CYYR1: variants seen among roughly 807,000 people sequenced by gnomAD.
The protein encoded by CYYR1 is cysteine and tyrosine rich 1, also known as cysteine and tyrosine-rich protein 1.
CYYR1 carries 14 observed loss-of-function variants against 15.2 expected under a neutral mutation model. The ratio of observed to expected loss-of-function variants is 0.92; its 90% CI spans 0.61 to 1.44. The LOEUF is 1.44. CYYR1 is among the 40% of genes most tolerant of loss of function. CYYR1 has a pLI of 0.00. For missense variants in CYYR1, 228 were observed against 209.5 expected (o/e 1.09, Z -0.54); for synonymous variants, 80 against 77.4 (o/e 1.03, Z -0.18).
intron 3 of CYYR1, among the ~76,000 whole-genome samples, chr21:26,474,497 A>G (rs896720777): frequency 1.4e-5 from 2 of 147,640 alleles, no homozygotes; most frequent in African/African-American, 5.1e-5. Context: ...CCTTAGCCTC[A>G]GTAGTAGCTG....
At position 26,480,346 on chromosome 21, in the gene CYYR1, C is replaced by T; in HGVS notation, c.260G>A (p.Cys87Tyr). The stretch of plus-strand genomic sequence containing the variant: ...GCGGGTCGCCCTGTGGTTCTTCATG[C>T]ACATGCAGATGCATATGGCAATCCC... ...IAGIAICICM[C>Y]MKNHRATRVG... is the part of the protein sequence containing the mutation. The change falls in exon 3 of 4, where the codon TGC (cysteine) becomes TAC (tyrosine). Residue 87 changes from cysteine to tyrosine, a missense_variant. Coordinates refer to ENST00000652641, the MANE Select transcript of CYYR1 (RefSeq NM_001320768.2). 6.2e-7 allele frequency: 1 copy of T among 1,613,536 alleles called. No homozygotes were observed. Among genetic ancestry groups the T allele is most frequent in the Non-Finnish European group, 8.5e-7 (1 of 1,179,662 alleles).
At chr21:26,515,691 T>C (rs114772149) in intron 2 of CYYR1, among the ~76,000 whole-genome samples, 3,091 of 152,230 alleles carry the variant, frequency 0.02, 117 homozygotes, top group African/African-American at 0.071. Context: ...CTATGCTTGA[T>C]CTGAAATAAT....
intron 2 of CYYR1, among the ~76,000 whole-genome samples, chr21:26,539,661 A>G (rs970137116): frequency 6.6e-6 from 1 of 152,222 alleles, no homozygotes; most frequent in African/African-American, 2.4e-5. Context: ...CTGCCTCAAC[A>G]TACTTAGATC....
chr21:26,503,036 T>C (rs538375016), intron 2 of CYYR1, among the ~76,000 whole-genome samples: 2 of 152,318 alleles, frequency 1.3e-5, no homozygotes, highest in South Asian at 2.1e-4. Flanking sequence ...AAAATGCAAG[T>C]AGATGGAACT....
chr21:26,490,281 C>A (rs2065310345), intron 2 of CYYR1, among the ~76,000 whole-genome samples: 1 of 151,934 alleles, frequency 6.6e-6, no homozygotes, highest in African/African-American at 2.4e-5. Context: ...ACCTGGGTGA[C>A]AGAGTGAGAC....
At chr21:26,469,456 G>A (rs752922822) in intron 3 of CYYR1, among the ~76,000 whole-genome samples, 1 of 152,094 alleles carries the variant, frequency 6.6e-6, no homozygotes, top group Non-Finnish European at 1.5e-5. Flanking sequence ...CCATATGTCA[G>A]TGTTTTAAGA....
intron 2 of CYYR1, among the ~76,000 whole-genome samples, chr21:26,507,152 T>C (rs928569495): frequency 6.6e-6 from 1 of 152,220 alleles, no homozygotes; most frequent in Non-Finnish European, 1.5e-5. Flanking sequence ...ATGAGACATA[T>C]GTCTCAGCTC....
intron 2 of CYYR1, among the ~76,000 whole-genome samples, chr21:26,558,110 T>G (rs1314780517): frequency 1.3e-5 from 2 of 152,182 alleles, no homozygotes; most frequent in African/African-American, 4.8e-5. Flanking sequence ...GTAGTGGCAG[T>G]AATGCCTGGG....
intron 2 of CYYR1, among the ~76,000 whole-genome samples, chr21:26,527,139 G>A (rs970204703): frequency 4.6e-5 from 7 of 152,156 alleles, no homozygotes; most frequent in Non-Finnish European, 1.0e-4. Context: ...TATTCTGCAC[G>A]AGAAACACAT....
At position 26,497,980 on chromosome 21, in the gene CYYR1, G is replaced by A. The variant is rs912784291; in HGVS notation, c.177-17551C>T. Among the ~76,000 whole-genome samples the A allele has an allele frequency of 3.3e-5, 5 of 152,140 alleles. No individual in the cohort carries two copies. In the East Asian group the frequency reaches 9.6e-4, roughly 29 times the overall value. On this transcript the variant is annotated intron_variant, in intron 2 of 3. Coordinates refer to ENST00000652641, the MANE Select transcript of CYYR1 (RefSeq NM_001320768.2). ...GTGACATATGTCATTTGTATCATAT[G>A]TTTTTATTTGGTTTGAAATTTCAAG...
At chr21:26,557,265 T>G (rs1230902389) in intron 2 of CYYR1, among the ~76,000 whole-genome samples, 3 of 152,140 alleles carry the variant, frequency 2.0e-5, no homozygotes, top group Non-Finnish European at 4.4e-5. Context: ...TTTTATAATA[T>G]CCAACTGTGA....
intron 3 of CYYR1, among the ~76,000 whole-genome samples, chr21:26,470,235 C>T (rs2065017910): frequency 6.6e-6 from 1 of 152,042 alleles, no homozygotes; most frequent in Non-Finnish European, 1.5e-5. Flanking sequence ...GCAAAAACTG[C>T]AATTGCTTTT....
At chr21:26,551,847 G>T in intron 2 of CYYR1, 1 of 216,298 alleles carries the variant, frequency 4.6e-6, no homozygotes, top group Non-Finnish European at 9.2e-6. Context: ...TAGAAGGATT[G>T]ACTCCAATTT....
At chr21:26,564,741 G>C in intron 2 of CYYR1, 1 of 1,218,504 alleles carries the variant, frequency 8.2e-7, no homozygotes. Context: ...GCTAAGCTAG[G>C]AGCCAGATGA....
chr21:26,508,171 C>T (rs117447590), intron 2 of CYYR1, among the ~76,000 whole-genome samples: 126 of 152,282 alleles, frequency 8.3e-4, no homozygotes, highest in Non-Finnish European at 1.5e-3. Flanking sequence ...TGTGAAATAG[C>T]TTAGGATGCT....
At chr21:26,534,995 C>T (rs1372203486) in intron 2 of CYYR1, among the ~76,000 whole-genome samples, 2 of 152,024 alleles carry the variant, frequency 1.3e-5, no homozygotes, top group Admixed American at 6.6e-5. Flanking sequence ...ATCTGGAATT[C>T]TTATTTTATT....
intron 3 of CYYR1, among the ~76,000 whole-genome samples, chr21:26,479,554 T>G (rs1402223841): frequency 6.6e-6 from 1 of 152,176 alleles, no homozygotes; most frequent in Admixed American, 6.6e-5. Context: ...CAAAATGCAG[T>G]ATTTTGTTTA....
Position 26,519,414 on chromosome 21 carries a change from C to G in CYYR1, c.177-38985G>C, listed in dbSNP as rs1022521298. On this transcript the variant is annotated intron_variant, in intron 2 of 3. Coordinates refer to ENST00000652641, the MANE Select transcript of CYYR1 (RefSeq NM_001320768.2). ...GACATCTGGGTAACAGCATACCAGA[C>G]AGATGGCACAGCTAGGAGAGGGACC... Among the ~76,000 whole-genome samples, 9 of 152,180 alleles carry G rather than the reference C, an allele frequency of 5.9e-5. No homozygotes were observed. The East Asian group carries it at 1.4e-3, about 23-fold the overall frequency.
At chr21:26,489,434 C>G (rs1353885844) in intron 2 of CYYR1, among the ~76,000 whole-genome samples, 1 of 152,008 alleles carries the variant, frequency 6.6e-6, no homozygotes, top group Non-Finnish European at 1.5e-5. Flanking sequence ...GTGCCAAATT[C>G]TTACATGATT....
Sources: gnomAD v4.1 joint callset for allele counts (sites outside exome capture counted in the v4.1 genomes callset) on GRCh38, gnomAD v4.1.1 for gene constraint, MANE v1.5 for transcripts, NCBI Gene and HGNC (gene_info 2026-07-23, HGNC 2026-07-21) for gene names.